FHOD3: variants seen among roughly 807,000 people sequenced by gnomAD.
FHOD3 encodes formin homology 2 domain containing 3, also known as FH1/FH2 domain-containing protein 3.
Under a neutral mutation model 173.0 loss-of-function variants are expected in FHOD3, and 90 were observed. That is an observed-to-expected ratio of 0.52 (90% CI 0.44 to 0.62). The LOEUF is 0.62. FHOD3 is among the 20% of genes least tolerant of loss of function. The pLI is 0.00. For synonymous variants in FHOD3, 828 were observed against 823.0 expected, an observed-to-expected ratio of 1.01 and a Z score of -0.10; for missense variants, 1,945 against 2,034.7, an observed-to-expected ratio of 0.96 and a Z score of 0.85.
At position 36,445,397 on chromosome 18, in the gene FHOD3, T is replaced by G. The variant is rs1472263125; in HGVS notation, c.338-56535T>G. On this transcript the variant is annotated intron_variant, in intron 3 of 28. Transcript: ENST00000590592. ...GGGTTTTAGGCCTGCCTTTGAGTTT[T>G]GGCAGTATGATTCTTAAGCAGGCAT... is the stretch of plus-strand genomic sequence containing the variant. Among the ~76,000 whole-genome samples, 5 of 152,200 alleles carry G rather than the reference T, an allele frequency of 3.3e-5. No individual in the cohort carries two copies. In the East Asian group the frequency reaches 9.6e-4, roughly 29 times the overall value.
chr18:36,720,736 C>CTCT (rs2149798190), intron 19 of FHOD3, among the ~76,000 whole-genome samples: 1 of 40,064 alleles, frequency 2.5e-5, no homozygotes, highest in South Asian at 9.4e-4. Flanking sequence ...CCTTCTTCTT[C>CTCT]TCCTCCTCCT....
chr18:36,578,506 T>TCTG (rs1463377519), intron 6 of FHOD3, among the ~76,000 whole-genome samples: 2 of 152,120 alleles, frequency 1.3e-5, no homozygotes, highest in Admixed American at 1.3e-4. Flanking sequence ...TCACATGTGG[T>TCTG]CTGCCCAGAC....
rs117627700 is a variant in FHOD3, at chr18:36,544,125, G to T, written c.511+31582G>T. Among the ~76,000 whole-genome samples, 78 of 152,350 alleles carry T rather than the reference G, an allele frequency of 5.1e-4. No homozygotes were observed. In the East Asian group the frequency reaches 0.014, roughly 27 times the overall value. On this transcript the variant is annotated intron_variant, in intron 5 of 28. Coordinates refer to ENST00000590592, the MANE Select transcript of FHOD3 (RefSeq NM_001281740.3). Reference sequence around the variant, plus strand: ...CCTGGAGAGGTGGCTGAGTGTATGTGTTTCTCGGCAGTATCATCATTGAAT... The same window carrying T: ...CCTGGAGAGGTGGCTGAGTGTATGTTTTTCTCGGCAGTATCATCATTGAAT...
intron 3 of FHOD3, among the ~76,000 whole-genome samples, chr18:36,425,976 C>G (rs923011864): frequency 6.6e-6 from 1 of 151,784 alleles, no homozygotes; most frequent in African/African-American, 2.4e-5. Context: ...TCTTGGCTCA[C>G]TGCAAGCTCT....
chr18:36,573,905 T>C (rs940426567), intron 5 of FHOD3, among the ~76,000 whole-genome samples: 2 of 152,184 alleles, frequency 1.3e-5, no homozygotes, highest in African/African-American at 4.8e-5. Flanking sequence ...CAAATCATGA[T>C]GACTGGGAAA....
intron 8 of FHOD3, among the ~76,000 whole-genome samples, chr18:36,604,531 C>T (rs925049848): frequency 2.0e-5 from 3 of 151,928 alleles, no homozygotes; most frequent in Admixed American, 6.6e-5. Context: ...TTGGTGGGGA[C>T]GGGTTAGGTA....
chr18:36,643,479 T>C (rs1384084816), intron 10 of FHOD3, among the ~76,000 whole-genome samples: 1 of 152,142 alleles, frequency 6.6e-6, no homozygotes, highest in Non-Finnish European at 1.5e-5. Flanking sequence ...TGCCCTAGGG[T>C]ATAGCAATAC....
rs781263077 is a variant in FHOD3 at position 36,693,235 on chromosome 18, C to T, written c.2048C>T (p.Ala683Val). The T allele has an allele frequency of 1.4e-5, 22 of 1,613,672 alleles. No homozygotes were observed. Among genetic ancestry groups the T allele is most frequent in the Non-Finnish European group, 1.8e-5 (21 of 1,179,778 alleles). Reference sequence around the variant, plus strand: ...TACAAATACTTGGAACAGTTGGCAGCTGAGGAGCACGAGAAGGAGCTGAGA... The same window carrying T: ...TACAAATACTTGGAACAGTTGGCAGTTGAGGAGCACGAGAAGGAGCTGAGA... ...ERYKYLEQLA[A>V]EEHEKELRSR... Residue 683 changes from alanine to valine, a missense_variant, in exon 17 of 29, where the codon GCT becomes GTT. By Grantham distance (64) the Ala-to-Val change is moderately conservative. This residue lies in a region of FHOD3 where 1,099 missense variants were observed against 1,051.2 expected (regional missense o/e 1.05). Coordinates refer to ENST00000590592, the MANE Select transcript of FHOD3 (RefSeq NM_001281740.3).
At chr18:36,690,437 G>A (rs920145507) in intron 16 of FHOD3, among the ~76,000 whole-genome samples, 1 of 152,150 alleles carries the variant, frequency 6.6e-6, no homozygotes, top group Admixed American at 6.5e-5. Context: ...ATACGTGACA[G>A]TCATTGCATG....
chr18:36,299,740 T>C (rs2091908476), intron 1 of FHOD3, among the ~76,000 whole-genome samples: 1 of 152,178 alleles, frequency 6.6e-6, no homozygotes, highest in Non-Finnish European at 1.5e-5. Context: ...CTTTCTAAGG[T>C]GTCCCTTATG....
chr18:36,521,200 T>G (rs914463968), intron 5 of FHOD3, among the ~76,000 whole-genome samples: 1 of 152,148 alleles, frequency 6.6e-6, no homozygotes, highest in Non-Finnish European at 1.5e-5. Context: ...CTTGGTAGAT[T>G]GGGCCAGCCT....
intron 5 of FHOD3, among the ~76,000 whole-genome samples, chr18:36,546,077 GAAGT>G (rs1446384436): frequency 1.3e-5 from 2 of 152,222 alleles, no homozygotes; most frequent in Non-Finnish European, 2.9e-5. Context: ...TCCTCATGGA[GAAGT>G]AAGTGCTGGT....
chr18:36,642,002 T>C (rs1302596306), intron 10 of FHOD3, among the ~76,000 whole-genome samples: 1 of 150,168 alleles, frequency 6.7e-6, no homozygotes, highest in Non-Finnish European at 1.5e-5. Flanking sequence ...CCTTGCCCCA[T>C]AATTACACTG....
chr18:36,666,660 A>T (rs903147715), intron 14 of FHOD3, among the ~76,000 whole-genome samples: 2 of 152,196 alleles, frequency 1.3e-5, no homozygotes, highest in Admixed American at 6.5e-5. Flanking sequence ...TGCTTTTGTT[A>T]ATATTTTACC....
intron 3 of FHOD3, among the ~76,000 whole-genome samples, chr18:36,398,105 A>G (rs887310676): frequency 3.9e-5 from 6 of 152,228 alleles, no homozygotes; most frequent in Non-Finnish European, 5.9e-5. Context: ...CCAGAAATGA[A>G]TGGGTTTTTC....
chr18:36,384,086 G>T lies in FHOD3; in HGVS notation c.337+11342G>T, dbSNP rs984203233. On this transcript the variant is annotated intron_variant, in intron 3 of 28. Coordinates refer to ENST00000590592, the MANE Select transcript of FHOD3 (RefSeq NM_001281740.3). ...TCAGTGTCCTCATTTATCAAAAGGG[G>T]ATGATAATATCGCCTTTAAAAATTG... Among the ~76,000 whole-genome samples, 15 of 152,266 alleles carry T rather than the reference G, an allele frequency of 9.9e-5. No individual in the cohort carries two copies. In the East Asian group the frequency reaches 1.7e-3, roughly 18 times the overall value.
At chr18:36,320,651 G>T (rs2044348752) in intron 1 of FHOD3, among the ~76,000 whole-genome samples, 1 of 152,240 alleles carries the variant, frequency 6.6e-6, no homozygotes, top group African/African-American at 2.4e-5. Flanking sequence ...GCATCATCCT[G>T]ATACCAAAGC....
chr18:36,475,422 C>G (rs1382577499), intron 3 of FHOD3, among the ~76,000 whole-genome samples: 1 of 146,736 alleles, frequency 6.8e-6, no homozygotes, highest in Non-Finnish European at 1.5e-5. Context: ...CCATTCCTCA[C>G]TGGCTGCTGT....
intron 5 of FHOD3, among the ~76,000 whole-genome samples, chr18:36,542,849 C>T (rs369610586): frequency 6.6e-5 from 10 of 152,108 alleles, no homozygotes; most frequent in African/African-American, 1.7e-4. Context: ...AAAAAAATGA[C>T]GAAGGGAAAG....
Sources: allele counts gnomAD v4.1 joint callset (sites outside exome capture counted in the v4.1 genomes callset), GRCh38; gene constraint gnomAD v4.1.1; regional missense constraint gnomAD v4.1.1; transcripts MANE v1.5; gene names NCBI Gene and HGNC (gene_info 2026-07-23, HGNC 2026-07-21).